RAB21: variants seen among roughly 807,000 people sequenced by gnomAD.
RAB21 encodes ras-related protein Rab-21.
Under a neutral mutation model 33.1 loss-of-function variants are expected in RAB21, and 13 were observed. The observed-to-expected ratio is 0.39, with a 90% confidence interval of 0.26 to 0.62. The LOEUF is 0.62. Ranked by LOEUF, RAB21 falls within the 20% of genes least tolerant of loss-of-function variation. The pLI, the probability that RAB21 is intolerant of heterozygous loss-of-function variation, is 0.48. For synonymous variants in RAB21, 91 were observed against 103.7 expected (o/e 0.88, Z 0.74); for missense variants, 234 against 279.1 (o/e 0.84, Z 1.15).
chr12:71,763,972 A>G (rs921010549), intron 1 of RAB21, among the ~76,000 whole-genome samples: 4 of 152,252 alleles, frequency 2.6e-5, no homozygotes, highest in African/African-American at 9.6e-5. Context: ...TCAGGTTCAC[A>G]GCTGTAAAGT....
At chr12:71,756,873 G>A (rs1882792668) in intron 1 of RAB21, among the ~76,000 whole-genome samples, 2 of 152,158 alleles carry the variant, frequency 1.3e-5, no homozygotes, top group South Asian at 4.1e-4. Flanking sequence ...CTATGAAGTG[G>A]ATAGTTTAGT....
chr12:71,771,726 C>T (rs950399902), intron 3 of RAB21, among the ~76,000 whole-genome samples: 1 of 152,146 alleles, frequency 6.6e-6, no homozygotes, highest in African/African-American at 2.4e-5. Flanking sequence ...GTAATCCCAG[C>T]ACTTTGGGAG....
chr12:71,767,488 G>A (rs950149652), intron 1 of RAB21, among the ~76,000 whole-genome samples: 4 of 152,016 alleles, frequency 2.6e-5, no homozygotes, highest in Admixed American at 2.6e-4. Context: ...TTGTTGTTGT[G>A]GGGTTTTTTT....
intron 1 of RAB21, among the ~76,000 whole-genome samples, chr12:71,768,349 C>G (rs1882990785): frequency 6.6e-6 from 1 of 152,268 alleles, no homozygotes; most frequent in Admixed American, 6.5e-5. Context: ...ATTCACCATC[C>G]TGACCTTTTA....
intron 1 of RAB21, among the ~76,000 whole-genome samples, chr12:71,760,867 G>A (rs1882862453): frequency 6.6e-6 from 1 of 152,058 alleles, no homozygotes; most frequent in Admixed American, 6.6e-5. Flanking sequence ...CTGTAAGGTT[G>A]GCTAGGCAGG....
At chr12:71,759,798 GA>G (rs1431906283) in intron 1 of RAB21, among the ~76,000 whole-genome samples, 1 of 152,204 alleles carries the variant, frequency 6.6e-6, no homozygotes, top group Non-Finnish European at 1.5e-5. Flanking sequence ...ATAATGTGGT[GA>G]AAAGAGAAAG....
intron 1 of RAB21, among the ~76,000 whole-genome samples, chr12:71,762,369 G>A (rs1023575388): frequency 1.8e-4 from 27 of 151,966 alleles, no homozygotes; most frequent in African/African-American, 5.8e-4. Flanking sequence ...GCAGTGGCGC[G>A]ATCTCGGCTC....
chr12:71,772,655 G>A (rs191428060), intron 3 of RAB21, among the ~76,000 whole-genome samples: 1 of 152,260 alleles, frequency 6.6e-6, no homozygotes. Context: ...GGATTCTGCT[G>A]TGTTTCTTTT....
rs528884005 is a variant in RAB21 at position 71,767,496 on chromosome 12, TTTTG to T, written c.160-2296_160-2293del. ...TTGTAAGTTGTTGTTGTGGGGTTTTTTTTGTTTGTTTTGTTTTTGTTTTTGTTTT... is the reference window on the plus strand; with the variant it reads ...TTGTAAGTTGTTGTTGTGGGGTTTTTTTTGTTTTGTTTTTGTTTTTGTTTT... On this transcript the variant is annotated intron_variant, in intron 1 of 6. Coordinates refer to ENST00000261263, the MANE Select transcript of RAB21 (RefSeq NM_014999.4). Among the ~76,000 whole-genome samples the T allele has an allele frequency of 1.1e-4, 16 of 152,184 alleles. No individual in the cohort carries two copies. In the East Asian group the frequency reaches 3.1e-3, roughly 29 times the overall value.
In RAB21 at chr12:71,791,130, A is replaced by C. The variant is rs987677814; in HGVS notation, c.*5457A>C. 6 of 152,378 alleles carry C rather than the reference A, an allele frequency of 3.9e-5. No individual in the cohort carries two copies. The highest frequency in any genetic ancestry group is 2.9e-5 in the Non-Finnish European group (2 of 68,348). 9.4% of individuals were successfully genotyped at this position (152,378 alleles called of 1,614,324 possible). On this transcript the variant is annotated 3_prime_UTR_variant, in exon 7 of 7. Transcript: ENST00000261263. ...TCTGAGTAGCTGGGACTACATGTGT[A>C]AGCCACCATGCCTGGCTAATTTTTG...
chr12:71,762,082 T>G (rs973688892), intron 1 of RAB21, among the ~76,000 whole-genome samples: 1 of 152,226 alleles, frequency 6.6e-6, no homozygotes, highest in Non-Finnish European at 1.5e-5. Context: ...GTTTGGGTGA[T>G]TTTACTTAAG....
intron 1 of RAB21, among the ~76,000 whole-genome samples, chr12:71,760,664 C>G (rs1882858823): frequency 6.6e-6 from 1 of 152,206 alleles, no homozygotes; most frequent in South Asian, 2.1e-4. Context: ...GTTTTAACCA[C>G]TTCCTCAATT....
intron 4 of RAB21, among the ~76,000 whole-genome samples, chr12:71,780,869 T>C (rs1883187678): frequency 6.6e-6 from 1 of 152,224 alleles, no homozygotes; most frequent in Admixed American, 6.5e-5. Context: ...GATTTCTCTT[T>C]TCTCCCTAAA....
rs550982683 is a variant in RAB21 at position 71,769,961 on chromosome 12, T to G, written c.219+102T>G. ...GCCAACACTTTTTTTTTTTTTTAATTAAAAAGAATCTTAAAATCTGGTTGA... is the reference window on the plus strand; with the variant it reads ...GCCAACACTTTTTTTTTTTTTTAATGAAAAAGAATCTTAAAATCTGGTTGA... On this transcript the variant is annotated intron_variant, in intron 2 of 6. Transcript: ENST00000261263. The G allele has an allele frequency of 2.5e-3, 1,230 of 497,086 alleles. 17 individuals are homozygous for G. The highest frequency in any genetic ancestry group is 0.023 in the African/African-American group (1,147 of 49,646). 30.8% of individuals were successfully genotyped at this position (497,086 alleles called of 1,614,324 possible).
Position 71,793,100 on chromosome 12 carries a change from A to C in RAB21, c.*7427A>C, listed in dbSNP as rs901725956. On this transcript the variant is annotated 3_prime_UTR_variant, in exon 7 of 7. Transcript: ENST00000261263. ...TTGCTTTTCCAAATTTTGTGGTAGCAGTGAATAAACTGATGCCTCCTGCTT... is the reference window on the plus strand; with the variant it reads ...TTGCTTTTCCAAATTTTGTGGTAGCCGTGAATAAACTGATGCCTCCTGCTT... The C allele has an allele frequency of 6.6e-6, 1 of 152,248 alleles. No individual in the cohort carries two copies. The highest frequency in any genetic ancestry group is 2.4e-5 in the African/African-American group (1 of 41,474). 9.4% of individuals were successfully genotyped at this position (152,248 alleles called of 1,614,324 possible). A position where few individuals can be genotyped will look rare whatever the true frequency, so the allele number is the denominator to read the frequency against.
chr12:71,761,442 G>A (rs1054206768), intron 1 of RAB21, among the ~76,000 whole-genome samples: 1 of 152,198 alleles, frequency 6.6e-6, no homozygotes, highest in Non-Finnish European at 1.5e-5. Flanking sequence ...ACTTTGGGAG[G>A]CTGAGGTGGG....
At chr12:71,757,527 G>A (rs934635412) in intron 1 of RAB21, among the ~76,000 whole-genome samples, 29 of 152,326 alleles carry the variant, frequency 1.9e-4, no homozygotes, top group Non-Finnish European at 3.5e-4. Flanking sequence ...ACAGAGGGGA[G>A]GATGAAGTTA....
At chr12:71,782,456 T>G in intron 5 of RAB21, 114 bp from the exon 6 acceptor site, 1 of 644,818 alleles carries the variant, frequency 1.6e-6, no homozygotes, top group Non-Finnish European at 2.5e-6. Context: ...TAAACTTAAT[T>G]TCACTAAACT....
At chr12:71,757,955 C>G (rs1473677158) in intron 1 of RAB21, among the ~76,000 whole-genome samples, 1 of 150,110 alleles carries the variant, frequency 6.7e-6, no homozygotes, top group Non-Finnish European at 1.5e-5. Flanking sequence ...TTTTTAACAT[C>G]TTGGAGGTGA....
Sources: allele counts gnomAD v4.1 joint callset (sites outside exome capture counted in the v4.1 genomes callset), GRCh38; gene constraint gnomAD v4.1.1; transcripts MANE v1.5; gene names NCBI Gene and HGNC (gene_info 2026-07-23, HGNC 2026-07-21).